The following NUDC variants were observed in gnomAD, a reference collection of about 807,000 sequenced individuals.
NUDC encodes nuclear distribution C, dynein complex regulator.
In NUDC, 14 loss-of-function variants were observed where a neutral mutation model predicts 45.0. That is an observed-to-expected ratio of 0.31 (90% CI 0.21 to 0.49). The LOEUF (loss-of-function observed/expected upper bound fraction) is 0.49. Among genes scored for constraint, NUDC ranks in the 20% least tolerant of loss-of-function variants. NUDC has a pLI of 0.99. For synonymous variants in NUDC, 153 were observed against 156.7 expected, an observed-to-expected ratio of 0.98 and a Z score of 0.17; for missense variants, 323 against 426.2, an observed-to-expected ratio of 0.76 and a Z score of 2.13.
intron 2 of NUDC, among the ~76,000 whole-genome samples, chr1:26,940,831 G>A (rs2082270275): frequency 1.3e-5 from 2 of 151,370 alleles, no homozygotes; most frequent in African/African-American, 2.4e-5. Context: ...GATTACAGGC[G>A]CACGCCACCG....
chr1:26,920,250 G>A (rs2082082250), upstream of NUDC, among the ~76,000 whole-genome samples: 3 of 152,120 alleles, frequency 2.0e-5, no homozygotes, highest in South Asian at 2.1e-4. Flanking sequence ...AGCGCGTTGC[G>A]AGGCCGAGGC....
chr1:26,922,536 T>C (rs2082100155), intron 1 of NUDC: 1 of 153,938 alleles, frequency 6.5e-6, no homozygotes, highest in Non-Finnish European at 1.4e-5. Flanking sequence ...CAAGTATTTG[T>C]CGTGTGATTG....
chr1:26,929,674 AT>A, intron 2 of NUDC: 8 of 411,992 alleles, frequency 1.9e-5, no homozygotes, highest in South Asian at 7.2e-5. Context: ...TTGAAGGCAT[AT>A]TTTTTGATGA....
At chr1:26,931,076 T>TTTTG (rs199712534) in intron 2 of NUDC, among the ~76,000 whole-genome samples, 2,090 of 152,050 alleles carry the variant, frequency 0.014, 49 homozygotes, top group African/African-American at 0.048. Context: ...TTGTTTTGTT[T>TTTTG]TTTGTTTGTT....
chr1:26,925,770 G>A (rs1400816749), intron 2 of NUDC, among the ~76,000 whole-genome samples: 1 of 138,126 alleles, frequency 7.2e-6, no homozygotes, highest in Non-Finnish European at 1.5e-5. Flanking sequence ...TGCCCAGGCT[G>A]CAGTGCAATG....
chr1:26,906,316 TGTG>T (rs1198639776), intron 2 of NUDC, among the ~76,000 whole-genome samples: 1 of 147,004 alleles, frequency 6.8e-6, no homozygotes, highest in Non-Finnish European at 1.5e-5. Flanking sequence ...ATTAGCTGGG[TGTG>T]GTGGCGCATG....
intron 2 of NUDC, among the ~76,000 whole-genome samples, chr1:26,927,242 G>A (rs766490210): frequency 4.0e-5 from 5 of 123,888 alleles, no homozygotes; most frequent in South Asian, 5.1e-4. Context: ...CACAGTGGCT[G>A]TAAGAAGGGA....
intron 2 of NUDC, among the ~76,000 whole-genome samples, chr1:26,927,243 TAAGAAGGGAGAGAGATGAACC>T (rs1557673547): frequency 1.0e-4 from 10 of 98,260 alleles, no homozygotes; most frequent in African/African-American, 3.3e-4. Context: ...ACAGTGGCTG[TAAGAAGGGAGAGAGATGAACC>T]GTGTGTGTGT....
chr1:26,944,999 G>A, intron 6 of NUDC: 2 of 259,306 alleles, frequency 7.7e-6, no homozygotes, highest in East Asian at 1.9e-4. Flanking sequence ...CCGAGATGGT[G>A]CCACAGCACT....
chr1:26,935,954 T>G (rs2082225938), intron 2 of NUDC, among the ~76,000 whole-genome samples: 1 of 147,572 alleles, frequency 6.8e-6, no homozygotes, highest in Non-Finnish European at 1.5e-5. Context: ...ATAATGAGAC[T>G]CCATCTCTAC....
intron 2 of NUDC, among the ~76,000 whole-genome samples, chr1:26,928,951 T>A (rs61342432): frequency 6.6e-6 from 1 of 152,312 alleles, no homozygotes; most frequent in East Asian, 1.9e-4. Flanking sequence ...GAGGAGGATT[T>A]ACTTGCACAC....
At chr1:26,923,182 A>G (rs570903227) in intron 1 of NUDC, among the ~76,000 whole-genome samples, 19 of 152,174 alleles carry the variant, frequency 1.2e-4, no homozygotes, top group African/African-American at 4.6e-4. Flanking sequence ...CATGGTTCCT[A>G]TTTGTAAGGT....
rs375748036 is a variant in NUDC at position 26,913,565 on chromosome 1, G to C, written c.93+2330G>C. The C allele has an allele frequency of 9.9e-6, 16 of 1,614,132 alleles. No individual in the cohort carries two copies. In the African/African-American group the frequency reaches 1.7e-4, roughly 17 times the overall value. On this transcript the variant is annotated intron_variant, in intron 3 of 6. Coordinates refer to the NUDC transcript ENST00000435827. ...TGGCCACTGCCTCCACTGCTGCTGG[G>C]CTCCTCCAGCAGAATCTTCTTGAGT...
At chr1:26,916,250 G>A (rs1378297238) in intron 3 of NUDC, among the ~76,000 whole-genome samples, 1 of 151,914 alleles carries the variant, frequency 6.6e-6, no homozygotes, top group Non-Finnish European at 1.5e-5. Context: ...TAGCCAGTGT[G>A]GTGGGGCATA....
In NUDC at chr1:26,941,790, A is replaced by C. The variant is rs777605485; in HGVS notation, c.401A>C (p.Asn134Thr). Residue 134 changes from asparagine to threonine, a missense_variant, in exon 4 of 9, where the codon AAC becomes ACC. Asn to Thr is a moderately conservative substitution (Grantham distance 65, BLOSUM62 0). Coordinates refer to ENST00000321265, the MANE Select transcript of NUDC (RefSeq NM_006600.4). The part of the protein sequence containing the change: ...DAENHEAQLK[N>T]GSLDSPGKQD... Reference sequence around the variant, plus strand: ...GAGAATCATGAGGCCCAGCTCAAGAACGGCAGCCTTGACTCCCCAGGGAAG... The same window carrying C: ...GAGAATCATGAGGCCCAGCTCAAGACCGGCAGCCTTGACTCCCCAGGGAAG... 2 of 1,613,634 alleles carry C rather than the reference A, an allele frequency of 1.2e-6. No individual in the cohort carries two copies.
intron 2 of NUDC, among the ~76,000 whole-genome samples, chr1:26,937,495 T>C (rs2082244699): frequency 6.6e-6 from 1 of 152,118 alleles, no homozygotes; most frequent in South Asian, 2.1e-4. Context: ...TTGCCCAGGC[T>C]GGTCTTAACC....
chr1:26,917,886 C>CA (rs1391928118), upstream of NUDC, among the ~76,000 whole-genome samples: 538 of 107,068 alleles, frequency 5.0e-3, 3 homozygotes, highest in Middle Eastern at 0.028. Context: ...GACTGCGTCT[C>CA]AAAAAAAAAA....
At chr1:26,921,338 C>G (rs990762378), upstream of NUDC, among the ~76,000 whole-genome samples, 21 of 152,242 alleles carry the variant, frequency 1.4e-4, no homozygotes, top group East Asian at 2.5e-3. Flanking sequence ...GCAGTGAGGT[C>G]GATGAGGAGG....
intron 3 of NUDC, chr1:26,911,546 G>T (rs889306750): frequency 1.4e-5 from 6 of 432,170 alleles, no homozygotes; most frequent in Non-Finnish European, 2.6e-5. Flanking sequence ...GTATAAAGTC[G>T]ATAGGACTTC....
Sources: allele counts gnomAD v4.1 joint callset (sites outside exome capture counted in the v4.1 genomes callset), GRCh38; gene constraint gnomAD v4.1.1; transcripts MANE v1.5; gene names NCBI Gene and HGNC (gene_info 2026-07-23, HGNC 2026-07-21).